COL4A5: variants seen among roughly 807,000 people sequenced by gnomAD.
The protein encoded by COL4A5 is collagen alpha-5(IV) chain.
COL4A5 carries 26 observed loss-of-function variants against 130.2 expected under a neutral mutation model. That is an observed-to-expected ratio of 0.20 (90% confidence interval 0.15 to 0.28). The LOEUF is 0.28. COL4A5 is among the 10% of genes least tolerant of loss of function. COL4A5 has a pLI of 1.00. For synonymous variants in COL4A5, 496 were observed against 439.6 expected (o/e 1.13, Z -1.60); for missense variants, 1,131 against 1,344.3 (o/e 0.84, Z 2.48).
At chrX:108,655,735 C>T (rs1193223943) in intron 37 of COL4A5, among the ~76,000 whole-genome samples, 1 of 112,531 alleles carries the variant, frequency 8.9e-6, no homozygotes, top group Non-Finnish European at 1.9e-5. Context: ...CCACAAATCA[C>T]TTAAGAAGCC....
chrX:108,634,651 C>A (rs1361042713), intron 36 of COL4A5, among the ~76,000 whole-genome samples: 1 of 111,539 alleles, frequency 9.0e-6, no homozygotes, highest in Non-Finnish European at 1.9e-5. Flanking sequence ...TGAAATAAAT[C>A]ACTTTATTTT....
At chrX:108,658,469 A>G (rs1311229578) in intron 37 of COL4A5, among the ~76,000 whole-genome samples, 1 of 111,165 alleles carries the variant, frequency 9.0e-6, no homozygotes, top group East Asian at 2.8e-4. Flanking sequence ...TGAGCTGGGA[A>G]GTATTCCCTC....
chrX:108,623,325 A>C (rs1435951454), intron 33 of COL4A5, among the ~76,000 whole-genome samples: 2 of 111,882 alleles, frequency 1.8e-5, no homozygotes, highest in Non-Finnish European at 3.8e-5. Context: ...GACTATGAAC[A>C]GCCAAGTTCA....
chrX:108,598,767 G>A lies in COL4A5; in HGVS notation c.1845G>A (p.Gly615=), dbSNP rs2147813455. The A allele has an allele frequency of 1.7e-6, 2 of 1,210,578 alleles. No homozygotes were observed. The highest frequency in any genetic ancestry group is 5.9e-5 in the East Asian group (2 of 33,834). ...ACCCAGGTTTACCAGGCCTCCCAGG[G>A]AATATAGGGCCTATGGGTCCCCCTG... ...PGNPGLPGLP[G]NIGPMGPPGF... is the part of the protein sequence containing the mutation. The change falls in exon 25 of 53, where the codon GGG becomes GGA. Residue 615 remains glycine, a synonymous_variant. Coordinates refer to ENST00000328300, the MANE Select transcript of COL4A5 (RefSeq NM_033380.3).
rs61506795 is a variant in COL4A5 at position 108,601,528 on chromosome X, CTTT to C, written c.2041+59_2041+61del. The stretch of plus-strand genomic sequence containing the variant: ...TTCAAAGTAACTTCAACACCGATGG[CTTT>C]TTTTTTTTTTTTTTTGACAGAGTTT... On this transcript the variant is annotated intron_variant, in intron 26 of 52. Transcript: ENST00000328300. 3,546 of 561,992 alleles carry C rather than the reference CTTT, an allele frequency of 6.3e-3. No homozygotes were observed. The highest frequency in any genetic ancestry group is 7.8e-3 in the Admixed American group (214 of 27,321). 46.3% of individuals were successfully genotyped at this position (561,992 alleles called of 1,213,427 possible).
chrX:108,636,502 GAA>G (rs1426522007), intron 36 of COL4A5, among the ~76,000 whole-genome samples: 2 of 110,092 alleles, frequency 1.8e-5, no homozygotes, highest in African/African-American at 6.6e-5. Context: ...TCAAGAAAGT[GAA>G]AAGACAGCTC....
rs370311586 is a variant in COL4A5, at chrX:108,615,059, C to T, written c.2509+35C>T. 6.3e-4 allele frequency: 607 copies of T among 962,691 alleles called. 1 individual carries two copies. Among genetic ancestry groups the T allele is most frequent in the Non-Finnish European group, 8.3e-4 (561 of 672,758 alleles). 79.3% of individuals were successfully genotyped at this position (962,691 alleles called of 1,213,427 possible). A position where few individuals can be genotyped will look rare whatever the true frequency, so the allele number is the denominator to read the frequency against. ...GAGTAAATGTGCATTTTGTAGCACT[C>T]ATAATATATACATTTGTTAGCTCAT... On this transcript the variant is annotated intron_variant, in intron 30 of 52. Transcript: ENST00000328300.
intron 29 of COL4A5, among the ~76,000 whole-genome samples, chrX:108,614,615 C>T (rs756681244): frequency 1.6e-4 from 18 of 111,716 alleles, no homozygotes; most frequent in African/African-American, 5.8e-4. Flanking sequence ...ATATTTTAAA[C>T]TTATGAATAT....
At chrX:108,668,180 G>T in intron 40 of COL4A5, 139 bp from the exon 41 acceptor site, 1 of 544,881 alleles carries the variant, frequency 1.8e-6, no homozygotes, top group Non-Finnish European at 3.1e-6. Context: ...GGTTTTCTGG[G>T]TAGATTTGGG....
chrX:108,662,161 A>G (rs12687047), intron 37 of COL4A5, among the ~76,000 whole-genome samples: 9,905 of 97,911 alleles, frequency 0.1, 1,231 homozygotes, highest in African/African-American at 0.34. Flanking sequence ...CCGATAGACT[A>G]GATTAAGAAA....
chrX:108,483,478 T>G (rs1286817957), intron 1 of COL4A5, among the ~76,000 whole-genome samples: 1 of 111,315 alleles, frequency 9.0e-6, no homozygotes, highest in African/African-American at 3.3e-5. Context: ...CGCTGGCAGC[T>G]GATTAGATTG....
At chrX:108,446,745 A>G (rs1029478264) in intron 1 of COL4A5, among the ~76,000 whole-genome samples, 18 of 111,757 alleles carry the variant, frequency 1.6e-4, no homozygotes, top group Non-Finnish European at 1.1e-4. Flanking sequence ...TATTTCATAC[A>G]TGGTAGATAA....
In COL4A5 at chrX:108,439,882, A is replaced by T. The variant is rs1273475314; in HGVS notation, c.-244A>T. The T allele has an allele frequency of 2.7e-5, 11 of 408,947 alleles. No homozygotes were observed. The highest frequency in any genetic ancestry group is 4.2e-5 in the Non-Finnish European group (10 of 235,746). The allele number at this position is 408,947 out of a possible 1,213,427, so 33.7% of individuals were successfully genotyped here. A position where few individuals can be genotyped will look rare whatever the true frequency, so the allele number is the denominator to read the frequency against. On this transcript the variant is annotated 5_prime_UTR_variant, in exon 1 of 53. Transcript: ENST00000328300. ...GAAGAAAAAGTTTGCAAGTCTGGAC[A>T]GAAGGGAAAAGTTCTCCTGAGAGAC...
chrX:108,601,265 C>A, intron 25 of COL4A5, 128 bp from the exon 26 acceptor site: 1 of 492,187 alleles, frequency 2.0e-6, no homozygotes, highest in Non-Finnish European at 3.6e-6. Flanking sequence ...GATTGTTTTT[C>A]TTGTGAATTT....
intron 37 of COL4A5, among the ~76,000 whole-genome samples, chrX:108,660,330 C>T (rs73636577): frequency 0.1 from 11,523 of 110,864 alleles, 1,285 homozygotes; most frequent in African/African-American, 0.33. Context: ...ATTTACATTT[C>T]TACTCTTCTA....
chrX:108,591,361 CT>C, intron 20 of COL4A5, 130 bp downstream of exon 20: 1 of 718,859 alleles, frequency 1.4e-6, no homozygotes, highest in Non-Finnish European at 2.1e-6. Context: ...ACTGCTTCTG[CT>C]TTTTGGGTTT....
At chrX:108,488,387 T>A (rs1239992293) in intron 1 of COL4A5, among the ~76,000 whole-genome samples, 2 of 113,007 alleles carry the variant, frequency 1.8e-5, no homozygotes, top group African/African-American at 6.4e-5. Flanking sequence ...ATTGCATTTC[T>A]GCAGTAAGTA....
chrX:108,440,280 G>T (rs755733967), intron 1 of COL4A5, 74 bp downstream of exon 1: 7 of 713,357 alleles, frequency 9.8e-6, no homozygotes, highest in Non-Finnish European at 1.3e-5. Flanking sequence ...TTGGGGGGGG[G>T]GTCCCTTTAT....
chrX:108,488,209 T>G (rs1317043022), intron 1 of COL4A5, among the ~76,000 whole-genome samples: 1 of 112,712 alleles, frequency 8.9e-6, no homozygotes, highest in Non-Finnish European at 1.9e-5. Context: ...GCACACATTC[T>G]TCCCCCCAGT....
Sources: gnomAD v4.1 joint callset for allele counts (sites outside exome capture counted in the v4.1 genomes callset) on GRCh38, gnomAD v4.1.1 for gene constraint, MANE v1.5 for transcripts, NCBI Gene and HGNC (gene_info 2026-07-23, HGNC 2026-07-21) for gene names.